The following CALCR variants were observed in gnomAD, a reference collection of about 807,000 sequenced individuals.
CALCR encodes the protein calcitonin receptor.
In CALCR, 47 loss-of-function variants were observed where a neutral mutation model predicts 59.5. The ratio of observed to expected loss-of-function variants is 0.79; its 90% CI spans 0.63 to 1.01. The LOEUF is 1.01. CALCR is among the 50% of genes least tolerant of loss of function. The probability of loss-of-function intolerance (pLI) is 0.00; values close to 1 mark genes in which losing one functional copy is unlikely to be tolerated. For missense variants in CALCR, 566 were observed against 597.1 expected, an observed-to-expected ratio of 0.95 and a Z score of 0.54; for synonymous variants, 213 against 211.3, an observed-to-expected ratio of 1.01 and a Z score of -0.07.
At chr7:93,502,677 T>C (rs969158113) in intron 2 of CALCR, among the ~76,000 whole-genome samples, 1 of 152,086 alleles carries the variant, frequency 6.6e-6, no homozygotes, top group Non-Finnish European at 1.5e-5. Context: ...CTTTGTCTAA[T>C]GCAGTGGAAT....
intron 3 of CALCR, among the ~76,000 whole-genome samples, chr7:93,484,205 G>A (rs1800870955): frequency 6.6e-6 from 1 of 151,784 alleles, no homozygotes; most frequent in African/African-American, 2.4e-5. Context: ...GGAATCCACA[G>A]GAAAGGAATC....
At chr7:93,544,599 G>T (rs1038876462) in intron 2 of CALCR, among the ~76,000 whole-genome samples, 7 of 151,896 alleles carry the variant, frequency 4.6e-5, no homozygotes, top group African/African-American at 1.5e-4. Context: ...ACACATAAAA[G>T]ATTTTAGTTT....
At chr7:93,553,058 A>G (rs1206044151) in intron 2 of CALCR, among the ~76,000 whole-genome samples, 5 of 152,214 alleles carry the variant, frequency 3.3e-5, no homozygotes. Context: ...TTCTTCTTTC[A>G]AAATATATCA....
intron 2 of CALCR, among the ~76,000 whole-genome samples, chr7:93,506,097 T>C (rs1442503776): frequency 6.6e-6 from 1 of 152,178 alleles, no homozygotes; most frequent in Non-Finnish European, 1.5e-5. Flanking sequence ...AGCTGTTCTT[T>C]CTCTTTCTTT....
At chr7:93,443,314 C>G (rs1471576822) in intron 9 of CALCR, among the ~76,000 whole-genome samples, 1 of 152,160 alleles carries the variant, frequency 6.6e-6, no homozygotes, top group Non-Finnish European at 1.5e-5. Flanking sequence ...TTCTCTCAAT[C>G]AGGACACATT....
At chr7:93,547,915 A>G (rs1360765405) in intron 2 of CALCR, among the ~76,000 whole-genome samples, 2 of 152,158 alleles carry the variant, frequency 1.3e-5, no homozygotes, top group African/African-American at 4.8e-5. Flanking sequence ...TGATTGCTTA[A>G]GCACGAGAAC....
intron 2 of CALCR, among the ~76,000 whole-genome samples, chr7:93,540,010 T>G (rs558669864): frequency 6.6e-6 from 1 of 152,310 alleles, no homozygotes; most frequent in East Asian, 1.9e-4. Flanking sequence ...TTTTAATGCC[T>G]AGTCCCATTC....
intron 2 of CALCR, among the ~76,000 whole-genome samples, chr7:93,524,527 T>G (rs1801836545): frequency 6.6e-6 from 1 of 152,078 alleles, no homozygotes. Flanking sequence ...ATATTCAAAT[T>G]GTAACAGTAT....
At chr7:93,526,257 C>T (rs1425868544) in intron 2 of CALCR, among the ~76,000 whole-genome samples, 1 of 152,120 alleles carries the variant, frequency 6.6e-6, no homozygotes, top group Non-Finnish European at 1.5e-5. Flanking sequence ...CAAGATGACA[C>T]TGTTAAACAG....
At chr7:93,455,417 C>CTTCTTA (rs1800191225) in intron 8 of CALCR, among the ~76,000 whole-genome samples, 1 of 151,754 alleles carries the variant, frequency 6.6e-6, no homozygotes, top group South Asian at 2.1e-4. Flanking sequence ...TTTGTCTCTT[C>CTTCTTA]TTCTTCTTCT....
At chr7:93,561,809 A>G (rs1789755162) in intron 2 of CALCR, among the ~76,000 whole-genome samples, 1 of 152,148 alleles carries the variant, frequency 6.6e-6, no homozygotes, top group South Asian at 2.1e-4. Flanking sequence ...GCTGTGTGAG[A>G]CCCTGAAAAA....
At chr7:93,437,752 C>T (rs1799809760) in intron 11 of CALCR, among the ~76,000 whole-genome samples, 1 of 152,168 alleles carries the variant, frequency 6.6e-6, no homozygotes, top group Admixed American at 6.6e-5. Context: ...CACAAACAAA[C>T]TTCTTGCAGC....
intron 8 of CALCR, among the ~76,000 whole-genome samples, chr7:93,458,545 C>T (rs567571213): frequency 1.3e-5 from 2 of 152,272 alleles, no homozygotes; most frequent in African/African-American, 4.8e-5. Flanking sequence ...CTGCCTTGCC[C>T]TCTGGTTTCT....
chr7:93,548,860 GTGTGTGTGTGTGTGTGTGTC>G (rs1321907237), intron 2 of CALCR, among the ~76,000 whole-genome samples: 15 of 137,964 alleles, frequency 1.1e-4, no homozygotes, highest in East Asian at 2.1e-4. Flanking sequence ...GTGTGTGTGT[GTGTGTGTGTGTGTGTGTGTC>G]TGTGTGTGTG....
chr7:93,536,329 G>A (rs1788984428), intron 2 of CALCR, among the ~76,000 whole-genome samples: 1 of 151,736 alleles, frequency 6.6e-6, no homozygotes, highest in South Asian at 2.1e-4. Flanking sequence ...CTAATGATCC[G>A]CTTAGAGAAA....
Position 93,564,714 on chromosome 7 carries a change from A to T in CALCR, c.-27+9575T>A, listed in dbSNP as rs1789822807. 5.3e-5 allele frequency among the ~76,000 whole-genome samples: 8 copies of T among 151,858 alleles called. No individual in the cohort carries two copies. In the South Asian group the frequency reaches 1.5e-3, roughly 28 times the overall value. Reference sequence around the variant, plus strand: ...GGTGATCCACCTGCCTCAGCCTCCCAAAATACTGGGATTACAGGAGTGGGC... The same window carrying T: ...GGTGATCCACCTGCCTCAGCCTCCCTAAATACTGGGATTACAGGAGTGGGC... On this transcript the variant is annotated intron_variant, in intron 2 of 13. Transcript: ENST00000426151.
chr7:93,434,240 A>C lies in CALCR; in HGVS notation c.1191+13T>G. ...ACAAACAAGTGATAGTATTATATGAAATGCATGCTTACCTCATTGTTGCAG... is the reference window on the plus strand; with the variant it reads ...ACAAACAAGTGATAGTATTATATGACATGCATGCTTACCTCATTGTTGCAG... On this transcript the variant is annotated intron_variant, in intron 13 of 13. Coordinates refer to ENST00000426151, the MANE Select transcript of CALCR (RefSeq NM_001742.4). 2 of 1,595,168 alleles carry C rather than the reference A, an allele frequency of 1.3e-6. No homozygotes were observed. Among genetic ancestry groups the C allele is most frequent in the Non-Finnish European group, 1.7e-6 (2 of 1,162,886 alleles).
chr7:93,449,672 A>G (rs1017827678), intron 8 of CALCR, among the ~76,000 whole-genome samples: 1 of 152,064 alleles, frequency 6.6e-6, no homozygotes, highest in Non-Finnish European at 1.5e-5. Context: ...AAGTATCCAA[A>G]CAAGAGCTGC....
Position 93,426,414 on chromosome 7 carries a change from C to G in CALCR, c.1367G>C (p.Gly456Ala). The change falls in exon 14 of 14, where the codon GGC becomes GCC. Residue 456 changes from glycine to alanine, a missense_variant. Physicochemically the swap from Gly to Ala is moderately conservative, Grantham distance 60. Coordinates refer to ENST00000426151, the MANE Select transcript of CALCR (RefSeq NM_001742.4). ...AGGGATGATCTCAGCACTCTCCTCG[C>G]CTTGGTTGTTGGCTGGTTCATTCCT... ...ELRNEPANNQ[G>A]EESAEIIPLN... The G allele has an allele frequency of 6.2e-7, 1 of 1,613,958 alleles. No individual in the cohort carries two copies. The highest frequency in any genetic ancestry group is 8.5e-7 in the Non-Finnish European group (1 of 1,179,872).
Sources: allele counts gnomAD v4.1 joint callset (sites outside exome capture counted in the v4.1 genomes callset), GRCh38; gene constraint gnomAD v4.1.1; transcripts MANE v1.5; gene names NCBI Gene and HGNC (gene_info 2026-07-23, HGNC 2026-07-21).